Variants in GRIA1 observed in about 807,000 individuals in gnomAD.
GRIA1 encodes glutamate ionotropic receptor AMPA type subunit 1, also known as glutamate receptor 1.
Under a neutral mutation model 99.2 loss-of-function variants are expected in GRIA1, and 31 were observed. The observed-to-expected ratio is 0.31, with a 90% CI of 0.23 to 0.42. GRIA1 has a LOEUF of 0.42. Ranked by LOEUF, GRIA1 falls within the 10% of genes least tolerant of loss-of-function variation. The pLI, the probability that GRIA1 is intolerant of heterozygous loss-of-function variation, is 1.00. For synonymous variants in GRIA1, 438 were observed against 432.4 expected (o/e 1.01, Z -0.16); for missense variants, 782 against 1,157.5 (o/e 0.68, Z 4.71).
At chr5:153,764,666 A>T (rs1404016955) in intron 12 of GRIA1, 34 bp downstream of exon 12, 1 of 1,443,912 alleles carries the variant, frequency 6.9e-7, no homozygotes, top group East Asian at 2.3e-5. Context: ...ACACTTTCAC[A>T]AAAGGGAACC....
chr5:153,527,808 G>T (rs1240008019), intron 2 of GRIA1, among the ~76,000 whole-genome samples: 2 of 152,130 alleles, frequency 1.3e-5, no homozygotes, highest in African/African-American at 2.4e-5. Context: ...GTATATCTTC[G>T]TTGGTGAAAT....
intron 7 of GRIA1, among the ~76,000 whole-genome samples, chr5:153,679,760 C>G (rs191840779): frequency 2.8e-4 from 42 of 152,322 alleles, no homozygotes; most frequent in African/African-American, 1.0e-3. Flanking sequence ...TCACCTCTGG[C>G]CTTCAGGTCA....
intron 11 of GRIA1, among the ~76,000 whole-genome samples, chr5:153,756,927 A>G (rs1762871562): frequency 6.6e-6 from 1 of 152,236 alleles, no homozygotes. Context: ...ACAAGCATTA[A>G]GAACAATCTT....
chr5:153,678,535 A>G (rs1756752308), intron 7 of GRIA1, among the ~76,000 whole-genome samples: 1 of 152,130 alleles, frequency 6.6e-6, no homozygotes, highest in Non-Finnish European at 1.5e-5. Flanking sequence ...CTTGCAGGGG[A>G]AAATTGCCAA....
At chr5:153,636,381 C>T (rs902699034) in intron 2 of GRIA1, among the ~76,000 whole-genome samples, 1 of 152,164 alleles carries the variant, frequency 6.6e-6, no homozygotes, top group Non-Finnish European at 1.5e-5. Context: ...TAGGAGTTTA[C>T]AAACTACAGC....
Position 153,698,952 on chromosome 5 carries a change from C to T in GRIA1, c.1331C>T (p.Ala444Val). ...GAGGGCTACTGTGTAGAGCTGGCGG[C>T]AGAGATTGCCAAGCACGTGGGCTAC... ...RYEGYCVELA[A>V]EIAKHVGYSY... Residue 444 changes from alanine to valine, a missense_variant, in exon 10 of 16, where the codon GCA (alanine) becomes GTA (valine). Coordinates refer to ENST00000285900, the MANE Select transcript of GRIA1 (RefSeq NM_000827.4). The T allele has an allele frequency of 6.2e-7, 1 of 1,611,876 alleles. No homozygotes were observed. The highest frequency in any genetic ancestry group is 8.5e-7 in the Non-Finnish European group (1 of 1,178,876).
intron 7 of GRIA1, 41 bp downstream of exon 7, chr5:153,677,202 T>A (rs1334436147): frequency 7.4e-7 from 1 of 1,354,070 alleles, no homozygotes; most frequent in African/African-American, 1.5e-5. Context: ...AGGAGCCTAC[T>A]GGGGGATTTC....
intron 2 of GRIA1, among the ~76,000 whole-genome samples, chr5:153,598,928 C>T (rs1764650649): frequency 6.6e-6 from 1 of 152,176 alleles, no homozygotes; most frequent in Admixed American, 6.5e-5. Flanking sequence ...GTCACCCAGG[C>T]TGGAGTACAG....
At position 153,716,705 on chromosome 5, in the gene GRIA1, C is replaced by A. The variant is rs111933981; in HGVS notation, c.1823+10638C>A. On this transcript the variant is annotated intron_variant, in intron 11 of 15. Transcript: ENST00000285900. The stretch of plus-strand genomic sequence containing the variant: ...GCTGGGAAGGGACTGTGGGACATTC[C>A]ATAGTCACAGCCAAAGCTGGAGAGG... Among the ~76,000 whole-genome samples, 722 of 152,214 alleles carry A rather than the reference C, an allele frequency of 4.7e-3. 5 individuals are homozygous for A. The highest frequency in any genetic ancestry group is 0.017 in the African/African-American group (702 of 41,528).
chr5:153,698,306 G>A (rs1332077415), intron 9 of GRIA1, 152 bp downstream of exon 9: 3 of 513,700 alleles, frequency 5.8e-6, no homozygotes, highest in Non-Finnish European at 1.1e-5. Flanking sequence ...CTGAAAATGA[G>A]AGGCTCTGAG....
At chr5:153,700,910 G>C (rs928540860) in intron 10 of GRIA1, among the ~76,000 whole-genome samples, 2 of 152,190 alleles carry the variant, frequency 1.3e-5, no homozygotes, top group African/African-American at 4.8e-5. Flanking sequence ...GGTGGTTATT[G>C]AGTTGGGGAA....
At chr5:153,649,349 A>G (rs1754377176) in intron 3 of GRIA1, among the ~76,000 whole-genome samples, 1 of 152,246 alleles carries the variant, frequency 6.6e-6, no homozygotes, top group Admixed American at 6.5e-5. Context: ...CTCCAAGAAG[A>G]AACAAAGCAG....
chr5:153,765,812 T>C (rs1763479561), intron 12 of GRIA1, among the ~76,000 whole-genome samples: 1 of 152,220 alleles, frequency 6.6e-6, no homozygotes, highest in Admixed American at 6.5e-5. Flanking sequence ...AATCCTCTCA[T>C]TAAAGATGAG....
At chr5:153,586,003 A>G (rs1763453379) in intron 2 of GRIA1, among the ~76,000 whole-genome samples, 1 of 151,906 alleles carries the variant, frequency 6.6e-6, no homozygotes, top group Non-Finnish European at 1.5e-5. Flanking sequence ...GCATTTGCCA[A>G]TTTTCATGAT....
chr5:153,792,097 AT>A (rs1765336836), intron 13 of GRIA1, among the ~76,000 whole-genome samples: 1 of 152,216 alleles, frequency 6.6e-6, no homozygotes, highest in African/African-American at 2.4e-5. Context: ...GCACTGTAGC[AT>A]AAGAGATAAA....
At chr5:153,735,547 G>C (rs924511653) in intron 11 of GRIA1, among the ~76,000 whole-genome samples, 2 of 152,140 alleles carry the variant, frequency 1.3e-5, no homozygotes, top group African/African-American at 4.8e-5. Context: ...GCATTGGGCT[G>C]TCTGCTTGTG....
intron 2 of GRIA1, among the ~76,000 whole-genome samples, chr5:153,562,667 C>T (rs1353480363): frequency 1.3e-5 from 2 of 152,146 alleles, no homozygotes; most frequent in Non-Finnish European, 2.9e-5. Context: ...TTGATTTTTG[C>T]ATATCCAACA....
intron 11 of GRIA1, among the ~76,000 whole-genome samples, chr5:153,737,106 T>A (rs1027626348): frequency 6.6e-6 from 1 of 152,036 alleles, no homozygotes; most frequent in Non-Finnish European, 1.5e-5. Flanking sequence ...AATCTTCAAT[T>A]GGGGTGGATG....
intron 5 of GRIA1, among the ~76,000 whole-genome samples, chr5:153,662,694 C>T (rs960922355): frequency 2.0e-5 from 3 of 152,124 alleles, no homozygotes; most frequent in African/African-American, 7.2e-5. Flanking sequence ...CTGAATTCAC[C>T]CAGAAGTTAA....
Sources: allele counts gnomAD v4.1 joint callset (sites outside exome capture counted in the v4.1 genomes callset), GRCh38; gene constraint gnomAD v4.1.1; transcripts MANE v1.5; gene names NCBI Gene and HGNC (gene_info 2026-07-23, HGNC 2026-07-21).